The following PCBP2 variants were observed in gnomAD, a reference collection of about 807,000 sequenced individuals.
PCBP2 encodes poly(rC) binding protein 2.
Under a neutral mutation model 50.1 loss-of-function variants are expected in PCBP2, and 4 were observed. The observed-to-expected ratio is 0.08, with a 90% confidence interval of 0.04 to 0.18. PCBP2 has a LOEUF of 0.18. Among genes scored for constraint, PCBP2 ranks in the 10% least tolerant of loss-of-function variants. The probability of loss-of-function intolerance (pLI) is 1.00; values close to 1 mark genes in which losing one functional copy is unlikely to be tolerated. For synonymous variants in PCBP2, 179 were observed against 168.0 expected (o/e 1.07, Z -0.51); for missense variants, 161 against 474.3 (o/e 0.34, Z 6.14).
In PCBP2 at chr12:53,452,145, C is replaced by T. The variant is rs1333006727; in HGVS notation, c.-307C>T. Reference sequence around the variant, plus strand: ...GCAGCCGGAGCAGCCGCAGCCTGCGCCCTCTCCCGCCCGCCCGCCCTCCGC... The same window carrying T: ...GCAGCCGGAGCAGCCGCAGCCTGCGTCCTCTCCCGCCCGCCCGCCCTCCGC... On this transcript the variant is annotated 5_prime_UTR_variant, in exon 1 of 15. Transcript: ENST00000546463. The T allele has an allele frequency of 2.0e-5, 3 of 146,470 alleles. No homozygotes were observed. The highest frequency in any genetic ancestry group is 1.9e-4 in the South Asian group (1 of 5,148). 9.1% of individuals were successfully genotyped at this position (146,470 alleles called of 1,614,324 possible). A position where few individuals can be genotyped will look rare whatever the true frequency, so the allele number is the denominator to read the frequency against.
At chr12:53,458,905 G>A (rs1941244384) in intron 5 of PCBP2, among the ~76,000 whole-genome samples, 1 of 152,072 alleles carries the variant, frequency 6.6e-6, no homozygotes, top group African/African-American at 2.4e-5. Context: ...TTCCCAAAGT[G>A]CTGGGATTAC....
chr12:53,473,702 T>G (rs1300582143), intron 14 of PCBP2, among the ~76,000 whole-genome samples: 2 of 152,162 alleles, frequency 1.3e-5, no homozygotes, highest in Non-Finnish European at 2.9e-5. Context: ...AAGCAAAGAT[T>G]ATGCATGCAC....
At chr12:53,455,794 G>A (rs766093886) in intron 4 of PCBP2, 91 bp from the exon 5 acceptor site, 5 of 861,354 alleles carry the variant, frequency 5.8e-6, no homozygotes, top group Non-Finnish European at 9.6e-6. Flanking sequence ...TCAGGATCAT[G>A]TACATTGGCA....
intron 10 of PCBP2, 27 bp downstream of exon 10, chr12:53,466,000 T>A (rs776475061): frequency 6.2e-7 from 1 of 1,609,472 alleles, no homozygotes; most frequent in South Asian, 1.1e-5. Flanking sequence ...CTTCTTGTTT[T>A]GAAAAGCTCC....
intron 5 of PCBP2, among the ~76,000 whole-genome samples, chr12:53,457,742 T>A (rs1592640045): frequency 6.6e-6 from 1 of 152,322 alleles, no homozygotes; most frequent in East Asian, 1.9e-4. Context: ...TTTAGGGGTC[T>A]TAAGTGCTTA....
intron 1 of PCBP2, chr12:53,452,672 G>C (rs950424125): frequency 6.6e-6 from 1 of 151,808 alleles, no homozygotes; most frequent in South Asian, 2.1e-4. Flanking sequence ...TTTGTTGGTT[G>C]TGGGGGGTTG....
chr12:53,452,804 C>T (rs947420409), intron 1 of PCBP2: 6 of 148,486 alleles, frequency 4.0e-5, no homozygotes, highest in African/African-American at 1.5e-4. Context: ...TATCGCAGCG[C>T]CCCCCCCCGA....
intron 14 of PCBP2, among the ~76,000 whole-genome samples, chr12:53,479,180 AT>A (rs1263914372): frequency 6.6e-6 from 1 of 152,212 alleles, no homozygotes; most frequent in African/African-American, 2.4e-5. Context: ...TTTGAGGGAC[AT>A]TGGATAACAA....
chr12:53,469,892 C>T (rs940131465), intron 13 of PCBP2, among the ~76,000 whole-genome samples: 34 of 151,066 alleles, frequency 2.3e-4, no homozygotes, highest in African/African-American at 8.0e-4. Flanking sequence ...CAGGCATGTG[C>T]CACCATGTCC....
At chr12:53,476,558 TGCTGA>T (rs1489470489) in intron 14 of PCBP2, among the ~76,000 whole-genome samples, 7 of 151,988 alleles carry the variant, frequency 4.6e-5, no homozygotes, top group African/African-American at 1.7e-4. Flanking sequence ...GTTGCCACAG[TGCTGA>T]AAGTGTAATG....
intron 8 of PCBP2, chr12:53,464,346 GACC>G (rs1308437599): frequency 1.0e-4 from 5 of 49,452 alleles, no homozygotes; most frequent in Non-Finnish European, 1.5e-4. Flanking sequence ...TTTAGTTGAT[GACC>G]ACCGTCTAAA....
chr12:53,453,097 A>G (rs541306136), intron 1 of PCBP2: 81 of 151,870 alleles, frequency 5.3e-4, no homozygotes, highest in African/African-American at 2.0e-3. Context: ...CTTTATCTTG[A>G]CCTAGTCAGG....
In PCBP2 at chr12:53,455,306, T is replaced by A. The variant is rs1368173710; in HGVS notation, c.70-41T>A. The A allele has an allele frequency of 4.4e-6, 7 of 1,582,426 alleles. No homozygotes were observed. In the Middle Eastern group the frequency reaches 5.1e-4, roughly 114 times the overall value. ...AAATATATTTTTAAAAAGGAATACTTCTGAGTTTCCTCTTACTGACGTTAG... is the reference window on the plus strand; with the variant it reads ...AAATATATTTTTAAAAAGGAATACTACTGAGTTTCCTCTTACTGACGTTAG... On this transcript the variant is annotated intron_variant, in intron 2 of 14. Coordinates refer to ENST00000546463, the MANE Select transcript of PCBP2 (RefSeq NM_031989.5).
rs145028096 is a variant in PCBP2, at chr12:53,470,598, CAA to C, written c.883-1039_883-1038del. ...TTTTTTTGTATTTTTTTTGTAAAGA[CAA>C]GAGTTTCGCCATGAAACTCCTGAAC... On this transcript the variant is annotated intron_variant, in intron 13 of 14. Coordinates refer to ENST00000546463, the MANE Select transcript of PCBP2 (RefSeq NM_031989.5). Among the ~76,000 whole-genome samples, 2,799 of 151,698 alleles carry C rather than the reference CAA, an allele frequency of 0.018. 185 individuals are homozygous for C. In the East Asian group the frequency reaches 0.23, roughly 12 times the overall value.
At chr12:53,461,255 G>C in intron 7 of PCBP2, 112 bp downstream of exon 7, 1 of 1,224,954 alleles carries the variant, frequency 8.2e-7, no homozygotes, top group Non-Finnish European at 1.1e-6. Context: ...GCTTCCAGTG[G>C]GGGTGGGGCT....
At chr12:53,460,846 C>G (rs1397734865) in intron 6 of PCBP2, 169 bp from the exon 7 acceptor site, 7 of 615,458 alleles carry the variant, frequency 1.1e-5, no homozygotes, top group Non-Finnish European at 1.6e-5. Flanking sequence ...AACTCTAATT[C>G]ACTAAACAGT....
chr12:53,478,693 A>G (rs1399090853), intron 14 of PCBP2, among the ~76,000 whole-genome samples: 1 of 151,962 alleles, frequency 6.6e-6, no homozygotes, highest in Non-Finnish European at 1.5e-5. Flanking sequence ...AATCCCAGCT[A>G]TCAGGTGGAG....
At position 53,468,770 on chromosome 12, in the gene PCBP2, CT is replaced by C; in HGVS notation, c.827-3del. 6.2e-7 allele frequency: 1 copy of C among 1,611,130 alleles called. No homozygotes were observed. The highest frequency in any genetic ancestry group is 8.5e-7 in the Non-Finnish European group (1 of 1,177,314). ...ATTGAATTTGCTTGCTCTCTTCTGT[CT>C]TTTAGCAGGTTTGGATGCATCTGCT... On this transcript the variant is annotated splice_polypyrimidine_tract_variant and splice_region_variant and intron_variant, in intron 12 of 14. Transcript: ENST00000546463.
chr12:53,465,874 C>T (rs181746086), intron 9 of PCBP2, 58 bp from the exon 10 acceptor site: 1 of 1,377,350 alleles, frequency 7.3e-7, no homozygotes, highest in African/African-American at 1.4e-5. Context: ...CTTTTTCCCC[C>T]CACTGGGTGG....
Sources: gnomAD v4.1 joint callset for allele counts (sites outside exome capture counted in the v4.1 genomes callset) on GRCh38, gnomAD v4.1.1 for gene constraint, MANE v1.5 for transcripts, NCBI Gene and HGNC (gene_info 2026-07-23, HGNC 2026-07-21) for gene names.